TMEM87B: variants seen among roughly 807,000 people sequenced by gnomAD.
TMEM87B encodes transmembrane protein 87B.
Under a neutral mutation model 80.3 loss-of-function variants are expected in TMEM87B, and 83 were observed. That is an observed-to-expected ratio of 1.03 (90% CI 0.87 to 1.24). TMEM87B has a LOEUF of 1.24. Ranked by LOEUF, TMEM87B falls within the 50% of genes most tolerant of loss-of-function variation. The pLI, the probability that TMEM87B is intolerant of heterozygous loss-of-function variation, is 0.00. For synonymous variants in TMEM87B, 219 were observed against 230.5 expected (o/e 0.95, Z 0.45); for missense variants, 625 against 674.4 (o/e 0.93, Z 0.81).
chr2:112,096,905 C>T (rs1679485141), intron 11 of TMEM87B, 139 bp from the exon 12 acceptor site: 1 of 625,234 alleles, frequency 1.6e-6, no homozygotes, highest in Admixed American at 3.4e-5. Flanking sequence ...GCCAAGATAA[C>T]ATTTTCTGTG....
intron 2 of TMEM87B, among the ~76,000 whole-genome samples, chr2:112,060,320 G>C (rs1265382765): frequency 6.7e-6 from 1 of 148,874 alleles, no homozygotes; most frequent in Non-Finnish European, 1.5e-5. Flanking sequence ...CTGCACTCCA[G>C]CCTGGGCGAC....
At chr2:112,084,604 G>C (rs1679092740) in intron 8 of TMEM87B, among the ~76,000 whole-genome samples, 1 of 152,212 alleles carries the variant, frequency 6.6e-6, no homozygotes, top group Admixed American at 6.5e-5. Flanking sequence ...TATCTTCGAG[G>C]CATTTGACAA....
At chr2:112,073,937 A>G (rs1056637827) in intron 4 of TMEM87B, among the ~76,000 whole-genome samples, 18 of 151,670 alleles carry the variant, frequency 1.2e-4, no homozygotes, top group African/African-American at 4.4e-4. Flanking sequence ...TCTGTTTTCC[A>G]TTTGCTTGGT....
intron 4 of TMEM87B, among the ~76,000 whole-genome samples, chr2:112,070,849 T>C (rs1678601855): frequency 6.6e-6 from 1 of 150,470 alleles, no homozygotes; most frequent in African/African-American, 2.5e-5. Flanking sequence ...TGAGATGGAG[T>C]CTTGCTCTGT....
At position 112,055,402 on chromosome 2, in the gene TMEM87B, C is replaced by A. The variant is rs1042985613; in HGVS notation, c.-190C>A. On this transcript the variant is annotated 5_prime_UTR_variant, in exon 1 of 19. Transcript: ENST00000283206. ...GCCCGGCTCAGAGCCCTAAGCCCTGCCTCCCGGTCCTGGCCGGGTTTCCCA... is the reference window on the plus strand; with the variant it reads ...GCCCGGCTCAGAGCCCTAAGCCCTGACTCCCGGTCCTGGCCGGGTTTCCCA... 35 of 613,496 alleles carry A rather than the reference C, an allele frequency of 5.7e-5. No homozygotes were observed. The highest frequency in any genetic ancestry group is 8.9e-5 in the Non-Finnish European group (34 of 380,432). 38.0% of individuals were successfully genotyped at this position (613,496 alleles called of 1,614,324 possible). A position where few individuals can be genotyped will look rare whatever the true frequency, so the allele number is the denominator to read the frequency against.
At position 112,116,785 on chromosome 2, in the gene TMEM87B, C is replaced by G. The variant is rs573200696; in HGVS notation, c.*642C>G. On this transcript the variant is annotated 3_prime_UTR_variant, in exon 19 of 19. Transcript: ENST00000283206. ...ATCATGGAGTTAGGTCTTCTCTGAGCTCAGGGGAACACAAGTGCACAGAGA... is the reference window on the plus strand; with the variant it reads ...ATCATGGAGTTAGGTCTTCTCTGAGGTCAGGGGAACACAAGTGCACAGAGA... 5.5e-5 allele frequency: 8 copies of G among 146,330 alleles called. No homozygotes were observed. The East Asian group carries it at 1.7e-3, about 32-fold the overall frequency. The allele number at this position is 146,330 out of a possible 1,614,324, so 9.1% of individuals were successfully genotyped here.
At chr2:112,074,041 T>C (rs182920181) in intron 4 of TMEM87B, among the ~76,000 whole-genome samples, 34 of 152,338 alleles carry the variant, frequency 2.2e-4, no homozygotes, top group Non-Finnish European at 3.8e-4. Context: ...TCTTGCTTAT[T>C]TATCCAGCTT....
rs1481004201 is a variant in TMEM87B at position 112,060,038 on chromosome 2, G to T, written c.226+1G>T. Reference sequence around the variant, plus strand: ...AACTCTACAGATATCAAGTTATCTGGTAAGTATAATAAAACAATAAAATAC... The same window carrying T: ...AACTCTACAGATATCAAGTTATCTGTTAAGTATAATAAAACAATAAAATAC... On this transcript the variant is annotated splice_donor_variant, in intron 2 of 18. Transcript: ENST00000283206. LOFTEE classifies it high-confidence loss of function. 1 of 1,578,238 alleles carries T rather than the reference G, an allele frequency of 6.3e-7. No individual in the cohort carries two copies. Among genetic ancestry groups the T allele is most frequent in the Admixed American group, 1.8e-5 (1 of 56,706 alleles).
Position 112,103,373 on chromosome 2 carries a change from GATAA to G in TMEM87B, c.1451-2625_1451-2622del, listed in dbSNP as rs567712417. Among the ~76,000 whole-genome samples the G allele has an allele frequency of 6.6e-5, 10 of 152,174 alleles. No homozygotes were observed. The South Asian group carries it at 2.1e-3, about 32-fold the overall frequency. On this transcript the variant is annotated intron_variant, in intron 15 of 18. Transcript: ENST00000283206. ...TATTAAGCTCTCAGTTTCCCAGTCT[GATAA>G]ATAGATTCAGTGCAATCCCAATTAT...
chr2:112,088,586 C>T (rs1573709878), intron 9 of TMEM87B, among the ~76,000 whole-genome samples: 1 of 151,722 alleles, frequency 6.6e-6, no homozygotes, highest in Non-Finnish European at 1.5e-5. Context: ...CAGTTTTTTT[C>T]TTCTAATTAC....
intron 16 of TMEM87B, among the ~76,000 whole-genome samples, chr2:112,106,405 C>A (rs1249072376): frequency 6.6e-6 from 1 of 152,130 alleles, no homozygotes; most frequent in Non-Finnish European, 1.5e-5. Flanking sequence ...GATTCCATAG[C>A]CTGTTCATCT....
At chr2:112,069,221 A>AAAAT (rs1558831389) in intron 4 of TMEM87B, among the ~76,000 whole-genome samples, 2 of 150,580 alleles carry the variant, frequency 1.3e-5, no homozygotes, top group African/African-American at 2.5e-5. Flanking sequence ...AAAAAAAAAA[A>AAAAT]CTCATGTCAC....
At chr2:112,094,161 CTTTTT>C (rs755031584) in intron 11 of TMEM87B, among the ~76,000 whole-genome samples, 1 of 128,760 alleles carries the variant, frequency 7.8e-6, no homozygotes, top group Non-Finnish European at 1.7e-5. Context: ...ATTTCTTGTT[CTTTTT>C]TTTTTTTTTT....
At chr2:112,099,525 C>CATATATATATAT (rs778514391) in intron 14 of TMEM87B, among the ~76,000 whole-genome samples, 293 of 122,708 alleles carry the variant, frequency 2.4e-3, no homozygotes, top group Middle Eastern at 4.1e-3. Flanking sequence ...TACAATAATA[C>CATATATATATAT]ATATATATAT....
intron 1 of TMEM87B, 122 bp downstream of exon 1, chr2:112,055,878 A>C: frequency 4.9e-6 from 6 of 1,228,694 alleles, no homozygotes; most frequent in Non-Finnish European, 3.2e-6. Flanking sequence ...GTCCCCTGAT[A>C]CCCTCCCTGA....
In TMEM87B at chr2:112,055,747, A is replaced by G; in HGVS notation, c.156A>G (p.Thr52=). ...CTGAGCTCGGGCTCTGGTTAGAGACAGTCAACGACGTAAGTGGAGTGTCGG... is the reference window on the plus strand; with the variant it reads ...CTGAGCTCGGGCTCTGGTTAGAGACGGTCAACGACGTAAGTGGAGTGTCGG... ...AVPELGLWLE[T]VNDKSGPLIF... is the part of the protein sequence containing the mutation. The change falls in exon 1 of 19, where the codon ACA becomes ACG. Residue 52 remains threonine (T), a synonymous_variant. Transcript: ENST00000283206. The G allele has an allele frequency of 6.7e-7, 1 of 1,492,544 alleles. No homozygotes were observed. Among genetic ancestry groups the G allele is most frequent in the East Asian group, 2.6e-5 (1 of 37,750 alleles). 92.5% of individuals were successfully genotyped at this position (1,492,544 alleles called of 1,614,324 possible).
intron 11 of TMEM87B, among the ~76,000 whole-genome samples, chr2:112,092,709 A>G (rs1007410480): frequency 1.3e-5 from 2 of 152,192 alleles, no homozygotes; most frequent in African/African-American, 4.8e-5. Context: ...CTGCAGCCAT[A>G]TTGCAGGAGA....
chr2:112,081,182 G>A (rs935418486), intron 7 of TMEM87B, 64 bp downstream of exon 7: 8 of 1,516,458 alleles, frequency 5.3e-6, no homozygotes, highest in African/African-American at 1.4e-5. Context: ...GAGCTTTGTG[G>A]TAGTAATTCC....
At chr2:112,084,618 C>T (rs1679092940) in intron 8 of TMEM87B, among the ~76,000 whole-genome samples, 1 of 152,046 alleles carries the variant, frequency 6.6e-6, no homozygotes, top group African/African-American at 2.4e-5. Flanking sequence ...TTGACAAGGT[C>T]TCTTGTGAGT....
Sources: allele counts gnomAD v4.1 joint callset (sites outside exome capture counted in the v4.1 genomes callset), GRCh38; gene constraint gnomAD v4.1.1; transcripts MANE v1.5; gene names NCBI Gene and HGNC (gene_info 2026-07-23, HGNC 2026-07-21).